The following ZFP1 variants were observed in gnomAD, a reference collection of about 807,000 sequenced individuals.
ZFP1 encodes zinc finger protein 1 homolog.
A neutral mutation model predicts 38.5 loss-of-function variants in ZFP1; 32 were observed. The observed-to-expected ratio is 0.83, with a 90% confidence interval of 0.63 to 1.12. The LOEUF (loss-of-function observed/expected upper bound fraction) is 1.12, where lower values mean the gene tolerates loss of function less well. Among genes scored for constraint, ZFP1 ranks in the 50% most tolerant of loss-of-function variants. The probability of loss-of-function intolerance (pLI) is 0.00; values close to 1 mark genes in which losing one functional copy is unlikely to be tolerated. For synonymous variants in ZFP1, 245 were observed against 168.8 expected (o/e 1.45, Z -3.50); for missense variants, 616 against 480.8 (o/e 1.28, Z -2.63).
chr16:75,169,104 A>T, intron 3 of ZFP1, 149 bp from the exon 4 acceptor site: 4 of 1,101,234 alleles, frequency 3.6e-6, no homozygotes, highest in Non-Finnish European at 4.9e-6. Context: ...GAAAGGAAAC[A>T]TTTGCACTGG....
chr16:75,161,810 G>C (rs1198253429), intron 2 of ZFP1, among the ~76,000 whole-genome samples: 2 of 36,302 alleles, frequency 5.5e-5, no homozygotes, highest in South Asian at 1.9e-3. Flanking sequence ...TCCTGAGATG[G>C]AGTCTCACTT....
chr16:75,163,603 A>C (rs978960265), intron 2 of ZFP1, among the ~76,000 whole-genome samples: 16 of 144,338 alleles, frequency 1.1e-4, no homozygotes, highest in Non-Finnish European at 1.7e-4. Flanking sequence ...TGGCCACTGC[A>C]CCCAGCCTTT....
At chr16:75,139,004 C>A in the ZFP1 span, among the ~76,000 whole-genome samples, 1 of 152,100 alleles carries the variant, frequency 6.6e-6, no homozygotes, top group Non-Finnish European at 1.5e-5. Flanking sequence ...CCATTCTAAT[C>A]ATGAGAAAAA....
At chr16:75,139,364 A>G in the ZFP1 span, among the ~76,000 whole-genome samples, 1 of 71,724 alleles carries the variant, frequency 1.4e-5, no homozygotes, top group African/African-American at 5.8e-5. Flanking sequence ...GCGAGACTCC[A>G]TCTCAAAAAA....
At chr16:75,153,090 C>G in intron 2 of ZFP1, 124 bp downstream of exon 2, 1 of 1,289,608 alleles carries the variant, frequency 7.8e-7, no homozygotes, top group Non-Finnish European at 1.1e-6. Flanking sequence ...AATAACTAAT[C>G]AATACCAGCA....
the ZFP1 span, among the ~76,000 whole-genome samples, chr16:75,121,650 A>T: frequency 6.6e-6 from 1 of 152,214 alleles, no homozygotes; most frequent in Non-Finnish European, 1.5e-5. Flanking sequence ...TTCTATCAGC[A>T]TGCCTAATAC....
rs910568933 is a variant in ZFP1 at position 75,148,892 on chromosome 16, C to G, written c.-44+249C>G. The stretch of plus-strand genomic sequence containing the variant: ...CGGCTATGAGGCTTCGCCTTCTTCT[C>G]TTTGTCAGGAGATGCGCCTCAGACG... On this transcript the variant is annotated intron_variant, in intron 1 of 3. Transcript: ENST00000570010. 7 of 152,262 alleles carry G rather than the reference C, an allele frequency of 4.6e-5. No homozygotes were observed. In the South Asian group the frequency reaches 8.3e-4, roughly 18 times the overall value. The allele number at this position is 152,262 out of a possible 1,614,324, so 9.4% of individuals were successfully genotyped here.
chr16:75,153,362 G>C (rs971373399), intron 2 of ZFP1, among the ~76,000 whole-genome samples: 1 of 152,214 alleles, frequency 6.6e-6, no homozygotes, highest in Non-Finnish European at 1.5e-5. Flanking sequence ...AGAGAATGCA[G>C]TAAATATGTG....
chr16:75,159,486 T>C (rs2037656225), intron 2 of ZFP1, among the ~76,000 whole-genome samples: 1 of 148,990 alleles, frequency 6.7e-6, no homozygotes, highest in South Asian at 2.2e-4. Context: ...CAGTTCACTG[T>C]AGCTGTGACC....
intron 2 of ZFP1, among the ~76,000 whole-genome samples, chr16:75,163,610 CTT>C (rs58242565): frequency 6.9e-6 from 1 of 144,390 alleles, no homozygotes; most frequent in African/African-American, 2.5e-5. Flanking sequence ...TGCACCCAGC[CTT>C]TTTTTTTTGT....
upstream of ZFP1, among the ~76,000 whole-genome samples, chr16:75,144,580 T>G (rs186061789): frequency 5.3e-5 from 8 of 152,342 alleles, no homozygotes; most frequent in Admixed American, 2.0e-4. Flanking sequence ...AATAAGATCT[T>G]CAGAAAAATT....
intron 2 of ZFP1, among the ~76,000 whole-genome samples, chr16:75,153,752 G>C (rs2037328928): frequency 6.6e-6 from 1 of 152,086 alleles, no homozygotes; most frequent in African/African-American, 2.4e-5. Flanking sequence ...TACATTCTGT[G>C]TATTTTGACC....
At position 75,170,518 on chromosome 16, in the gene ZFP1, A is replaced by G. The variant is rs1218446112; in HGVS notation, c.*184A>G. The stretch of plus-strand genomic sequence containing the variant: ...TGGAAGTTACATGTGATACCCAGCT[A>G]AAGAATACATATCAGAATATATCCA... On this transcript the variant is annotated 3_prime_UTR_variant, in exon 4 of 4. Coordinates refer to ENST00000570010, the MANE Select transcript of ZFP1 (RefSeq NM_153688.4). 1 of 843,076 alleles carries G rather than the reference A, an allele frequency of 1.2e-6. No homozygotes were observed. The highest frequency in any genetic ancestry group is 1.7e-6 in the Non-Finnish European group (1 of 598,194). 52.2% of individuals were successfully genotyped at this position (843,076 alleles called of 1,614,324 possible). A position where few individuals can be genotyped will look rare whatever the true frequency, so the allele number is the denominator to read the frequency against.
chr16:75,137,157 G>C, the ZFP1 span, among the ~76,000 whole-genome samples: 1 of 152,176 alleles, frequency 6.6e-6, no homozygotes, highest in Non-Finnish European at 1.5e-5. Flanking sequence ...AAGTAAGAGA[G>C]TGTTCACACA....
At chr16:75,122,955 A>T in the ZFP1 span, among the ~76,000 whole-genome samples, 1 of 152,228 alleles carries the variant, frequency 6.6e-6, no homozygotes, top group Non-Finnish European at 1.5e-5. Flanking sequence ...TAGGTAAGTA[A>T]TTAAAATAAA....
chr16:75,139,665 G>T, the ZFP1 span, among the ~76,000 whole-genome samples: 1 of 152,172 alleles, frequency 6.6e-6, no homozygotes, highest in African/African-American at 2.4e-5. Flanking sequence ...ACCTGGCCAG[G>T]AGATCCCTCT....
At chr16:75,141,303 T>C in the ZFP1 span, among the ~76,000 whole-genome samples, 87 of 145,760 alleles carry the variant, frequency 6.0e-4, 1 homozygote, top group African/African-American at 1.8e-3. Context: ...CCCGGGTTCA[T>C]GCCATTCTCC....
the ZFP1 span, among the ~76,000 whole-genome samples, chr16:75,131,835 G>C: frequency 6.6e-6 from 1 of 151,992 alleles, no homozygotes; most frequent in South Asian, 2.1e-4. Context: ...TGCAGGGGCA[G>C]ACACCTGTAA....
chr16:75,137,308 T>A, the ZFP1 span, among the ~76,000 whole-genome samples: 1 of 151,896 alleles, frequency 6.6e-6, no homozygotes, highest in Non-Finnish European at 1.5e-5. Context: ...GAGTCCATAG[T>A]GATATATTAA....
Sources: allele counts gnomAD v4.1 joint callset (sites outside exome capture counted in the v4.1 genomes callset), GRCh38; gene constraint gnomAD v4.1.1; transcripts MANE v1.5; gene names NCBI Gene and HGNC (gene_info 2026-07-23, HGNC 2026-07-21).